Variants in ATP13A4 observed in about 807,000 individuals in gnomAD.
The protein encoded by ATP13A4 is probable cation-transporting ATPase 13A4.
A neutral mutation model predicts 142.5 loss-of-function variants in ATP13A4; 114 were observed. The observed-to-expected ratio is 0.80, with a 90% CI of 0.69 to 0.93. The LOEUF is 0.93. ATP13A4 is among the 40% of genes least tolerant of loss of function. The pLI is 0.00. For missense variants in ATP13A4, 1,392 were observed against 1,454.0 expected (o/e 0.96, Z 0.69); for synonymous variants, 488 against 514.8 (o/e 0.95, Z 0.70).
Position 193,550,089 on chromosome 3 carries a change from C to T in ATP13A4, c.60+4651G>A, listed in dbSNP as rs538310281. Among the ~76,000 whole-genome samples the T allele has an allele frequency of 7.9e-5, 12 of 152,268 alleles. No homozygotes were observed. In the East Asian group the frequency reaches 1.9e-3, roughly 25 times the overall value. On this transcript the variant is annotated intron_variant, in intron 1 of 29. Transcript: ENST00000342695. ...GGTGGAAGTCCCGTTGTAGTATCCACAGATTTCTGTGGCATAAATAGCACC... is the reference window on the plus strand; with the variant it reads ...GGTGGAAGTCCCGTTGTAGTATCCATAGATTTCTGTGGCATAAATAGCACC...
At chr3:193,495,124 A>G (rs1408235621) in intron 3 of ATP13A4, among the ~76,000 whole-genome samples, 1 of 152,096 alleles carries the variant, frequency 6.6e-6, no homozygotes, top group Non-Finnish European at 1.5e-5. Flanking sequence ...TGCATCAAAG[A>G]AAAGCTCAGT....
chr3:193,457,613 C>G (rs1717708844), intron 14 of ATP13A4, 148 bp from the exon 15 acceptor site: 1 of 748,332 alleles, frequency 1.3e-6, no homozygotes, highest in Non-Finnish European at 2.3e-6. Flanking sequence ...CAGATTTATT[C>G]CGCCACAGAA....
chr3:193,433,959 C>T, intron 24 of ATP13A4, 42 bp from the exon 25 acceptor site: 1 of 1,463,958 alleles, frequency 6.8e-7, no homozygotes, highest in Non-Finnish European at 9.6e-7. Flanking sequence ...TTGTGACCTT[C>T]TGGATGAAAT....
intron 2 of ATP13A4, among the ~76,000 whole-genome samples, chr3:193,564,599 T>C (rs1393031180): frequency 6.6e-6 from 1 of 152,210 alleles, no homozygotes; most frequent in African/African-American, 2.4e-5. Context: ...CACCATGACA[T>C]ATTTTATACT....
At chr3:193,436,365 T>C (rs911579018) in intron 23 of ATP13A4, among the ~76,000 whole-genome samples, 1 of 152,190 alleles carries the variant, frequency 6.6e-6, no homozygotes, top group Non-Finnish European at 1.5e-5. Context: ...ATTTAAAGCA[T>C]GAAATAGATG....
chr3:193,439,590 C>T (rs1289813460), intron 21 of ATP13A4, among the ~76,000 whole-genome samples: 3 of 152,188 alleles, frequency 2.0e-5, no homozygotes, highest in Non-Finnish European at 2.9e-5. Context: ...ATCCTGTCAA[C>T]AGTCACTCAA....
chr3:193,546,206 C>T (rs946254372), intron 1 of ATP13A4, among the ~76,000 whole-genome samples: 2 of 152,068 alleles, frequency 1.3e-5, no homozygotes, highest in Non-Finnish European at 2.9e-5. Flanking sequence ...CTTAGGAAAC[C>T]CACCCTCAGG....
rs779004025 is a variant in ATP13A4 at position 193,459,220 on chromosome 3, A to C, written c.1535T>G (p.Val512Gly). 6.2e-7 allele frequency: 1 copy of C among 1,614,272 alleles called. No individual in the cohort carries two copies. The highest frequency in any genetic ancestry group is 8.5e-7 in the Non-Finnish European group (1 of 1,180,048). ...AGCCTGGCCTGAGGCAAAGCTGTGA[A>C]CTTCCTGAAAGCTTAAGGAGAAAAG... ...VSCDRNGFQE[V>G]HSFASGQALP... The change falls in exon 14 of 30, where the codon GTT becomes GGT. Residue 512 changes from valine (V) to glycine (G), a missense_variant. Physicochemically the swap from Val to Gly is moderately radical, Grantham distance 109 (BLOSUM62 -3). Transcript: ENST00000342695.
intron 2 of ATP13A4, among the ~76,000 whole-genome samples, chr3:193,576,787 A>C (rs1328725781): frequency 2.0e-5 from 3 of 152,224 alleles, no homozygotes; most frequent in Non-Finnish European, 2.9e-5. Context: ...GAGGCTAAGC[A>C]GAAAAAAACA....
intron 23 of ATP13A4, 101 bp downstream of exon 23, chr3:193,438,374 C>T: frequency 2.0e-6 from 2 of 980,268 alleles, no homozygotes; most frequent in Non-Finnish European, 3.2e-6. Context: ...CCCTCCGCAC[C>T]CAGGGACAGA....
chr3:193,514,942 T>G, intron 1 of ATP13A4, 71 bp from the exon 2 acceptor site: 1 of 1,540,580 alleles, frequency 6.5e-7, no homozygotes. Context: ...AATACTGATT[T>G]TAGTGATGGA....
chr3:193,406,471 A>G (rs974891272), intron 29 of ATP13A4, among the ~76,000 whole-genome samples: 3 of 152,204 alleles, frequency 2.0e-5, no homozygotes, highest in African/African-American at 7.2e-5. Context: ...TTGTTCATAA[A>G]TGCCTTTTCA....
intron 2 of ATP13A4, among the ~76,000 whole-genome samples, chr3:193,509,282 C>T (rs1180563630): frequency 1.3e-5 from 2 of 152,184 alleles, no homozygotes; most frequent in African/African-American, 4.8e-5. Flanking sequence ...AACCTGGAGC[C>T]TTTCCTAAGG....
In ATP13A4 at chr3:193,400,825, C is replaced by A. The variant is rs559753821; in HGVS notation, c.*1827G>T. On this transcript the variant is annotated 3_prime_UTR_variant, in exon 30 of 30. Transcript: ENST00000342695. ...CTCATGACTAGGTCACAGACCATCT[C>A]TAGCTTGCCCCTGCCTACAACCCTC... Among the ~76,000 whole-genome samples, 1 of 152,226 alleles carries A rather than the reference C, an allele frequency of 6.6e-6. No homozygotes were observed. Among genetic ancestry groups the A allele is most frequent in the African/African-American group, 2.4e-5 (1 of 41,450 alleles).
At chr3:193,407,136 C>T (rs750641959) in intron 29 of ATP13A4, among the ~76,000 whole-genome samples, 177 bp downstream of exon 29, 16 of 152,154 alleles carry the variant, frequency 1.1e-4, no homozygotes, top group African/African-American at 2.2e-4. Context: ...AGAAAACTAA[C>T]GTCCTGCTTG....
intron 2 of ATP13A4, among the ~76,000 whole-genome samples, chr3:193,570,711 C>A (rs538110992): frequency 6.6e-6 from 1 of 152,138 alleles, no homozygotes; most frequent in Non-Finnish European, 1.5e-5. Context: ...AGCGGTGAAA[C>A]CCACAGGCTC....
At chr3:193,410,350 A>G (rs1354279758) in intron 28 of ATP13A4, among the ~76,000 whole-genome samples, 1 of 152,218 alleles carries the variant, frequency 6.6e-6, no homozygotes, top group Non-Finnish European at 1.5e-5. Context: ...AGAAGCAATT[A>G]GGAAAAAATT....
chr3:193,578,381 A>G (rs1228277298), intron 2 of ATP13A4, among the ~76,000 whole-genome samples: 2 of 151,502 alleles, frequency 1.3e-5, no homozygotes, highest in Admixed American at 6.6e-5. Flanking sequence ...AATAGACTTA[A>G]TTTTAACTCT....
intron 1 of ATP13A4, among the ~76,000 whole-genome samples, chr3:193,582,585 A>ATATATTATATATGTATATTATATG (rs1724574779): frequency 8.0e-6 from 1 of 124,812 alleles, no homozygotes; most frequent in East Asian, 2.1e-4. Context: ...TATATATTAC[A>ATATATTATATATGTATATTATATG]TATATTATAT....
Sources: allele counts gnomAD v4.1 joint callset (sites outside exome capture counted in the v4.1 genomes callset), GRCh38; gene constraint gnomAD v4.1.1; transcripts MANE v1.5; gene names NCBI Gene and HGNC (gene_info 2026-07-23, HGNC 2026-07-21).